The following COL11A1 variants were observed in gnomAD, a reference collection of about 807,000 sequenced individuals.
COL11A1 encodes collagen type XI alpha 1 chain.
In COL11A1, 74 loss-of-function variants were observed where a neutral mutation model predicts 265.2. That is an observed-to-expected ratio of 0.28 (90% confidence interval 0.23 to 0.34). COL11A1 has a LOEUF of 0.34. COL11A1 is among the 10% of genes least tolerant of loss of function. COL11A1 has a pLI of 1.00. For missense variants in COL11A1, 2,165 were observed against 2,263.6 expected, an observed-to-expected ratio of 0.96 and a Z score of 0.88; for synonymous variants, 816 against 727.6, an observed-to-expected ratio of 1.12 and a Z score of -1.96.
chr1:103,014,709 A>G, intron 12 of COL11A1, 115 bp from the exon 13 acceptor site: 1 of 806,624 alleles, frequency 1.2e-6, no homozygotes, highest in South Asian at 1.4e-5. Flanking sequence ...TTACAAAATT[A>G]CAAAGTAACT....
intron 2 of COL11A1, among the ~76,000 whole-genome samples, chr1:103,080,625 A>AAAT (rs1672333456): frequency 2.0e-5 from 3 of 151,886 alleles, no homozygotes; most frequent in African/African-American, 7.2e-5. Flanking sequence ...ATGAGCTATT[A>AAAT]CCCCACTCCA....
intron 48 of COL11A1, 31 bp from the exon 49 acceptor site, chr1:102,920,395 C>T (rs757132677): frequency 1.3e-6 from 2 of 1,589,422 alleles, no homozygotes; most frequent in Admixed American, 3.3e-5. Flanking sequence ...TGTAATTATC[C>T]ATATTCTTAT....
chr1:103,053,581 G>T (rs950025968), intron 4 of COL11A1, among the ~76,000 whole-genome samples: 1 of 152,122 alleles, frequency 6.6e-6, no homozygotes, highest in Admixed American at 6.5e-5. Context: ...CAGCAATAAA[G>T]AATGTAATTA....
chr1:103,084,097 TATAAC>T (rs1290907792), intron 1 of COL11A1, among the ~76,000 whole-genome samples: 1 of 152,158 alleles, frequency 6.6e-6, no homozygotes, highest in Non-Finnish European at 1.5e-5. Flanking sequence ...GATCAATACA[TATAAC>T]ATTAAATTTG....
chr1:102,895,260 T>C (rs919005018), intron 57 of COL11A1, among the ~76,000 whole-genome samples: 3 of 152,182 alleles, frequency 2.0e-5, no homozygotes, highest in African/African-American at 7.2e-5. Context: ...CCTATAAAAT[T>C]GTTAAACTTA....
intron 4 of COL11A1, among the ~76,000 whole-genome samples, chr1:103,068,151 T>C (rs1671296628): frequency 6.6e-6 from 1 of 151,708 alleles, no homozygotes; most frequent in South Asian, 2.1e-4. Context: ...CAGAGATTCA[T>C]AGACTAGTAT....
intron 28 of COL11A1, among the ~76,000 whole-genome samples, 193 bp downstream of exon 28, chr1:102,995,671 C>T (rs1302078132): frequency 6.6e-6 from 1 of 150,774 alleles, no homozygotes; most frequent in African/African-American, 2.4e-5. Context: ...AGTTTCTGTT[C>T]TGGTATTTAA....
intron 54 of COL11A1, among the ~76,000 whole-genome samples, chr1:102,900,720 C>T (rs1322556036): frequency 2.0e-5 from 3 of 152,062 alleles, no homozygotes; most frequent in Non-Finnish European, 4.4e-5. Context: ...AGAATTTTAA[C>T]ATAACTAAAT....
rs1460772915 is a variant in COL11A1 at position 102,984,211 on chromosome 1, T to C, written c.2503-20A>G. On this transcript the variant is annotated intron_variant, in intron 30 of 66. Transcript: ENST00000370096. ...TTTTCCCTACAGTTAAAATATATAA[T>C]AATCAAAGTAATATTTTAAGTTGAA... is the stretch of plus-strand genomic sequence containing the variant. 6.9e-7 allele frequency: 1 copy of C among 1,457,114 alleles called. No individual in the cohort carries two copies. Among genetic ancestry groups the C allele is most frequent in the East Asian group, 2.4e-5 (1 of 41,776 alleles). The allele number at this position is 1,457,114 out of a possible 1,614,324, so 90.3% of individuals were successfully genotyped here.
At chr1:102,968,429 G>A (rs1323227166) in intron 37 of COL11A1, among the ~76,000 whole-genome samples, 2 of 152,072 alleles carry the variant, frequency 1.3e-5, no homozygotes, top group East Asian at 3.9e-4. Flanking sequence ...AGGCCACCAG[G>A]AAAAATTGGG....
chr1:102,944,955 T>TAAA (rs1428967748), intron 42 of COL11A1, among the ~76,000 whole-genome samples: 1 of 152,194 alleles, frequency 6.6e-6, no homozygotes, highest in Admixed American at 6.5e-5. Flanking sequence ...CTCAGCATAT[T>TAAA]AAAAGTGCTT....
intron 25 of COL11A1, 127 bp from the exon 26 acceptor site, chr1:102,997,251 CT>C: frequency 1.1e-6 from 1 of 897,402 alleles, no homozygotes; most frequent in Non-Finnish European, 1.8e-6. Context: ...ACATTGAACA[CT>C]TTTGCATCAG....
chr1:102,971,018 A>AAAAC (rs1553221970), intron 36 of COL11A1, among the ~76,000 whole-genome samples: 44,392 of 84,184 alleles, frequency 0.53, 7,073 homozygotes, highest in African/African-American at 0.54. Flanking sequence ...AAAACAAAAC[A>AAAAC]AAACAAACAA....
intron 42 of COL11A1, among the ~76,000 whole-genome samples, chr1:102,945,192 A>G (rs1192167905): frequency 6.6e-6 from 1 of 151,988 alleles, no homozygotes; most frequent in Non-Finnish European, 1.5e-5. Context: ...AAATTAATTA[A>G]TGCCGTTATT....
Position 103,061,252 on chromosome 1 carries a change from G to T in COL11A1, c.651+13366C>A, listed in dbSNP as rs184084940. Among the ~76,000 whole-genome samples, 599 of 151,992 alleles carry T rather than the reference G, an allele frequency of 3.9e-3. 5 individuals carry two copies. Among genetic ancestry groups the T allele is most frequent in the African/African-American group, 0.014 (567 of 41,468 alleles). ...ATATGCACCTAACAAAATACATGAA[G>T]CAAAATCTAATAGATATGGAAGGAA... On this transcript the variant is annotated intron_variant, in intron 4 of 66. Coordinates refer to ENST00000370096, the MANE Select transcript of COL11A1 (RefSeq NM_001854.4).
intron 46 of COL11A1, 83 bp downstream of exon 46, chr1:102,934,366 A>G: frequency 1.0e-6 from 1 of 1,003,074 alleles, no homozygotes; most frequent in African/African-American, 1.6e-5. Context: ...AAAAAGAAAA[A>G]AATACTTTGT....
chr1:103,041,659 A>T (rs1009533572), intron 4 of COL11A1, among the ~76,000 whole-genome samples: 3 of 151,908 alleles, frequency 2.0e-5, no homozygotes, highest in Admixed American at 1.3e-4. Context: ...CTTTTAAAGT[A>T]TGCATATATA....
intron 1 of COL11A1, among the ~76,000 whole-genome samples, chr1:103,086,479 C>T (rs570664186): frequency 2.0e-5 from 3 of 152,092 alleles, no homozygotes; most frequent in African/African-American, 2.4e-5. Context: ...TGCAGTGGCG[C>T]GATCTCGGCT....
rs548391853 is a variant in COL11A1 at position 102,986,306 on chromosome 1, C to T, written c.2502+1327G>A. ...GAAACCATCCTTCTCAGCAAACTAT[C>T]GCAAGGACAAAAAACCAAGCACCGC... On this transcript the variant is annotated intron_variant, in intron 30 of 66. Transcript: ENST00000370096. Among the ~76,000 whole-genome samples the T allele has an allele frequency of 1.9e-4, 29 of 150,974 alleles. 1 individual carries two copies. The highest frequency in any genetic ancestry group is 4.6e-4 in the African/African-American group (19 of 41,142).
Sources: allele counts gnomAD v4.1 joint callset (sites outside exome capture counted in the v4.1 genomes callset), GRCh38; gene constraint gnomAD v4.1.1; transcripts MANE v1.5; gene names NCBI Gene and HGNC (gene_info 2026-07-23, HGNC 2026-07-21).